The following ABTB3 variants were observed in gnomAD, a reference collection of about 807,000 sequenced individuals.
ABTB3 encodes the protein ankyrin repeat- and BTB/POZ domain-containing protein 3.
the ABTB3 span, among the ~76,000 whole-genome samples, chr12:107,404,447 G>T: frequency 6.6e-6 from 1 of 152,116 alleles, no homozygotes; most frequent in African/African-American, 2.4e-5. Flanking sequence ...AGAGAATGTG[G>T]TGGCTGGGCC....
the ABTB3 span, among the ~76,000 whole-genome samples, chr12:107,458,974 T>C: frequency 6.6e-6 from 1 of 152,234 alleles, no homozygotes; most frequent in African/African-American, 2.4e-5. Context: ...CAGGGGGGCC[T>C]GCCTCCTTCA....
chr12:107,512,858 T>A, the ABTB3 span, among the ~76,000 whole-genome samples: 5 of 152,238 alleles, frequency 3.3e-5, no homozygotes, highest in Non-Finnish European at 5.9e-5. Context: ...TTAACTTTTT[T>A]AATCTTCCTC....
chr12:107,333,948 G>A, the ABTB3 span, among the ~76,000 whole-genome samples: 213 of 152,338 alleles, frequency 1.4e-3, 2 homozygotes, highest in East Asian at 0.035. Context: ...GATGAAGGAG[G>A]TGAGGGAATT....
At chr12:107,332,888 T>C in the ABTB3 span, among the ~76,000 whole-genome samples, 142 of 152,306 alleles carry the variant, frequency 9.3e-4, 1 homozygote, top group African/African-American at 3.3e-3. Context: ...GAAGCAATCA[T>C]GAGCCGACTC....
At chr12:107,542,107 C>T in the ABTB3 span, among the ~76,000 whole-genome samples, 4 of 151,916 alleles carry the variant, frequency 2.6e-5, no homozygotes, top group East Asian at 1.9e-4. Flanking sequence ...GTCTGGAGTT[C>T]GAGGCCAGCC....
chr12:107,651,911 G>A, the ABTB3 span: 22 of 733,842 alleles, frequency 3.0e-5, no homozygotes, highest in Middle Eastern at 3.7e-4. Flanking sequence ...GGGCTAAGCC[G>A]CTGGCCTCTG....
At chr12:107,644,972 CTTTTTT>C in the ABTB3 span, among the ~76,000 whole-genome samples, 1 of 127,196 alleles carries the variant, frequency 7.9e-6, no homozygotes, top group African/African-American at 3.1e-5. Context: ...TCAAAATTCA[CTTTTTT>C]TTTTTTTTTT....
chr12:107,563,900 A>G, the ABTB3 span, among the ~76,000 whole-genome samples: 1 of 152,170 alleles, frequency 6.6e-6, no homozygotes, highest in Non-Finnish European at 1.5e-5. Flanking sequence ...ATGTAGGTTG[A>G]GGCTAATTAA....
chr12:107,389,510 G>A, the ABTB3 span, among the ~76,000 whole-genome samples: 2 of 152,096 alleles, frequency 1.3e-5, no homozygotes, highest in Admixed American at 1.3e-4. Context: ...CCAACAAGAG[G>A]TTCTGAAACT....
the ABTB3 span, among the ~76,000 whole-genome samples, chr12:107,498,948 A>G: frequency 1.3e-5 from 2 of 152,248 alleles, no homozygotes; most frequent in Non-Finnish European, 2.9e-5. Flanking sequence ...AGTGGCTGGA[A>G]GTAGCCATTA....
the ABTB3 span, among the ~76,000 whole-genome samples, chr12:107,567,106 A>G: frequency 1.3e-5 from 2 of 152,250 alleles, no homozygotes; most frequent in African/African-American, 4.8e-5. Flanking sequence ...GTGACAGACC[A>G]AGATCTTGTC....
At chr12:107,431,867 A>G in the ABTB3 span, among the ~76,000 whole-genome samples, 1 of 152,140 alleles carries the variant, frequency 6.6e-6, no homozygotes, top group Non-Finnish European at 1.5e-5. Flanking sequence ...CCTTGTCTGT[A>G]AGGAACATCT....
At chr12:107,547,417 T>A in the ABTB3 span, among the ~76,000 whole-genome samples, 2 of 152,274 alleles carry the variant, frequency 1.3e-5, no homozygotes, top group Admixed American at 6.5e-5. Flanking sequence ...ACAGTGTCCA[T>A]TTTCCCTCTT....
the ABTB3 span, among the ~76,000 whole-genome samples, chr12:107,511,002 T>C: frequency 6.6e-6 from 1 of 152,124 alleles, no homozygotes; most frequent in Admixed American, 6.5e-5. Context: ...GAGCAGGCTG[T>C]GCATCTACCC....
the ABTB3 span, among the ~76,000 whole-genome samples, chr12:107,345,979 A>G: frequency 6.6e-6 from 1 of 152,212 alleles, no homozygotes; most frequent in Non-Finnish European, 1.5e-5. Context: ...AACTCATTTT[A>G]GCCTTGTTGC....
chr12:107,497,498 C>CCAT, the ABTB3 span, among the ~76,000 whole-genome samples: 1 of 151,684 alleles, frequency 6.6e-6, no homozygotes, highest in African/African-American at 2.4e-5. Context: ...ACCCCCACCA[C>CCAT]CATCATCATC....
chr12:107,357,270 T>C, the ABTB3 span, among the ~76,000 whole-genome samples: 6 of 152,232 alleles, frequency 3.9e-5, no homozygotes, highest in African/African-American at 1.2e-4. Context: ...TGCTCCGTTG[T>C]GGGCATCCCA....
chr12:107,351,786 T>C, the ABTB3 span, among the ~76,000 whole-genome samples: 2 of 152,166 alleles, frequency 1.3e-5, no homozygotes, highest in African/African-American at 4.8e-5. Flanking sequence ...GTCTCAGATA[T>C]TCTGTTATAG....
At chr12:107,614,014 C>T in the ABTB3 span, among the ~76,000 whole-genome samples, 6 of 152,120 alleles carry the variant, frequency 3.9e-5, no homozygotes, top group Non-Finnish European at 5.9e-5. Flanking sequence ...TGCAGACCCA[C>T]GCAAGGGGTC....
Sources: gnomAD v4.1 joint callset for allele counts (sites outside exome capture counted in the v4.1 genomes callset) on GRCh38, gnomAD v4.1.1 for gene constraint, MANE v1.5 for transcripts, NCBI Gene and HGNC (gene_info 2026-07-23, HGNC 2026-07-21) for gene names.